The following SLC12A9 variants were observed in gnomAD, a reference collection of about 807,000 sequenced individuals.
SLC12A9 encodes the protein solute carrier family 12 member 9, also known as CCC-interacting protein 1.
Under a neutral mutation model 66.0 loss-of-function variants are expected in SLC12A9, and 55 were observed. The ratio of observed to expected loss-of-function variants is 0.83; its 90% CI spans 0.67 to 1.04. The LOEUF (loss-of-function observed/expected upper bound fraction) is 1.04. Ranked by LOEUF, SLC12A9 falls within the 50% of genes least tolerant of loss-of-function variation. The probability of loss-of-function intolerance (pLI) is 0.00; values close to 1 mark genes in which losing one functional copy is unlikely to be tolerated. For missense variants in SLC12A9, 1,061 were observed against 1,241.9 expected (o/e 0.85, Z 2.19); for synonymous variants, 577 against 569.0 (o/e 1.01, Z -0.20).
At position 100,859,888 on chromosome 7, in the gene SLC12A9, C is replaced by A; in HGVS notation, c.981C>A (p.Thr327=). The change falls in exon 8 of 14, where the codon ACC becomes ACA. Residue 327 remains threonine (T), a synonymous_variant. Coordinates refer to ENST00000354161, the MANE Select transcript of SLC12A9 (RefSeq NM_020246.4). Reference sequence around the variant, plus strand: ...TCCTCCTTTTCCTCCTTCCTAGGACCCTGCTGCAGGAAGACTATGGGTTCT... The same window carrying A: ...TCCTCCTTTTCCTCCTTCCTAGGACACTGCTGCAGGAAGACTATGGGTTCT... ...FFLSSFTCDR[T]LLQEDYGFFR... 1.3e-6 allele frequency: 2 copies of A among 1,598,830 alleles called. No individual in the cohort carries two copies. Among genetic ancestry groups the A allele is most frequent in the Non-Finnish European group, 8.6e-7 (1 of 1,167,324 alleles).
Position 100,859,108 on chromosome 7 carries a change from C to T in SLC12A9, c.924C>T (p.Tyr308=), listed in dbSNP as rs572446584. 2.5e-6 allele frequency: 4 copies of T among 1,613,994 alleles called. No homozygotes were observed. Among genetic ancestry groups the T allele is most frequent in the Non-Finnish European group, 3.4e-6 (4 of 1,180,034 alleles). ...TGGGCACGATCGTCGCCGTCGCCTA[C>T]ACCTTCTTCGTCTATGTCCTGCTTT... ...IPLGTIVAVA[Y]TFFVYVLLFF... The change falls in exon 7 of 14, where the codon TAC becomes TAT. Residue 308 remains tyrosine (Y), a synonymous_variant. Transcript: ENST00000354161.
At chr7:100,828,907 G>T (rs181374308) in intron 1 of SLC12A9, among the ~76,000 whole-genome samples, 181 of 151,622 alleles carry the variant, frequency 1.2e-3, no homozygotes, top group Admixed American at 3.6e-3. Flanking sequence ...AGATGGATTG[G>T]AGGGGGTGCT....
At chr7:100,863,621 C>A (rs890306939) in intron 13 of SLC12A9, among the ~76,000 whole-genome samples, 1 of 152,182 alleles carries the variant, frequency 6.6e-6, no homozygotes, top group Non-Finnish European at 1.5e-5. Context: ...CCCCTGCCCC[C>A]GCCACCCAAA....
upstream of SLC12A9, among the ~76,000 whole-genome samples, chr7:100,848,403 CAGG>C (rs1245807467): frequency 1.3e-4 from 20 of 151,998 alleles, no homozygotes; most frequent in East Asian, 3.7e-3. Flanking sequence ...GAGGCTGAGG[CAGG>C]AGGATTGCTT....
At position 100,861,480 on chromosome 7, in the gene SLC12A9, G is replaced by A. The variant is rs375162836; in HGVS notation, c.1432G>A (p.Ala478Thr). The change falls in exon 11 of 14, where the codon GCT (alanine) becomes ACT (threonine). Residue 478 changes from alanine to threonine, a missense_variant. Physicochemically the swap from Ala to Thr is moderately conservative, Grantham distance 58. Transcript: ENST00000354161. The surrounding 1 kb of genome is among the most constrained non-coding windows in gnomAD (Gnocchi z 5.3). ...GATGTTCCTCATCAGTCCTGGCGCG[G>A]CTGGTGGCTCCCTGCTCCTCATGGG... ...LMMFLISPGA[A>T]GGSLLLMGLL... The A allele has an allele frequency of 6.2e-7, 1 of 1,613,792 alleles. No homozygotes were observed. The highest frequency in any genetic ancestry group is 8.5e-7 in the Non-Finnish European group (1 of 1,180,040).
At chr7:100,863,013 T>C (rs570206926) in intron 13 of SLC12A9, among the ~76,000 whole-genome samples, 186 bp downstream of exon 13, 1 of 151,956 alleles carries the variant, frequency 6.6e-6, no homozygotes, top group East Asian at 1.9e-4. Flanking sequence ...TAGGAGATGC[T>C]AGGGACTAGT....
intron 1 of SLC12A9, among the ~76,000 whole-genome samples, chr7:100,838,318 G>C (rs2116514314): frequency 6.6e-6 from 1 of 152,218 alleles, no homozygotes; most frequent in East Asian, 1.9e-4. Flanking sequence ...GGATTCGCAG[G>C]GAAGATTTCA....
At position 100,866,143 on chromosome 7, in the gene SLC12A9, G is replaced by C; in HGVS notation, c.2283G>C (p.Trp761Cys). 6.2e-7 allele frequency: 1 copy of C among 1,612,886 alleles called. No individual in the cohort carries two copies. Among genetic ancestry groups the C allele is most frequent in the Non-Finnish European group, 8.5e-7 (1 of 1,179,810 alleles). The change falls in exon 14 of 14, where the codon TGG becomes TGC. Residue 761 changes from tryptophan to cysteine, a missense_variant. Trp to Cys is a radical substitution (Grantham distance 215). Transcript: ENST00000354161. This position sits in a 1 kb window ranked among gnomAD's most constrained non-coding sequence, Gnocchi z 7.3. ...MATILGMVPA[W>C]HSARLRIFLC... is the part of the protein sequence containing the mutation. ...CCATCTTGGGCATGGTGCCCGCTTG[G>C]CATAGCGCCCGGCTCCGGATCTTCC...
chr7:100,832,825 G>C (rs143507194), intron 1 of SLC12A9, among the ~76,000 whole-genome samples: 4 of 151,474 alleles, frequency 2.6e-5, no homozygotes, highest in African/African-American at 9.7e-5. Context: ...ACCCATGCTG[G>C]AGTGCAGTGG....
At chr7:100,836,452 G>A (rs1338123952) in intron 1 of SLC12A9, among the ~76,000 whole-genome samples, 1 of 152,070 alleles carries the variant, frequency 6.6e-6, no homozygotes, top group Non-Finnish European at 1.5e-5. Context: ...GGGGACCAGA[G>A]AGCTCACCTG....
chr7:100,848,879 C>G (rs1403505993), upstream of SLC12A9, among the ~76,000 whole-genome samples: 3 of 148,570 alleles, frequency 2.0e-5, no homozygotes, highest in Non-Finnish European at 3.0e-5. Flanking sequence ...GAGCTAGACT[C>G]CATCTCAAAA....
chr7:100,840,706 CAAAG>C (rs1813768901), intron 1 of SLC12A9, among the ~76,000 whole-genome samples: 1 of 148,818 alleles, frequency 6.7e-6, no homozygotes, highest in South Asian at 2.1e-4. Flanking sequence ...AAAAGAAAGT[CAAAG>C]AGAGACAAAG....
At chr7:100,834,316 T>G (rs1479366406) in intron 1 of SLC12A9, among the ~76,000 whole-genome samples, 1 of 151,978 alleles carries the variant, frequency 6.6e-6, no homozygotes, top group Non-Finnish European at 1.5e-5. Context: ...GAGAGGTGAG[T>G]GAGGGCCAGC....
At chr7:100,845,729 G>A (rs995455231) in intron 1 of SLC12A9, among the ~76,000 whole-genome samples, 1 of 152,114 alleles carries the variant, frequency 6.6e-6, no homozygotes, top group African/African-American at 2.4e-5. Flanking sequence ...TATGCTTCCC[G>A]TGAAAAGAGA....
At chr7:100,828,622 C>T (rs987344338) in intron 1 of SLC12A9, among the ~76,000 whole-genome samples, 5 of 150,126 alleles carry the variant, frequency 3.3e-5, no homozygotes, top group Admixed American at 6.6e-5. Flanking sequence ...ATCTCCAAAT[C>T]GCCCTTCTCA....
chr7:100,860,099 G>T (rs771700339), intron 8 of SLC12A9, 51 bp from the exon 9 acceptor site: 3 of 1,614,006 alleles, frequency 1.9e-6, no homozygotes, highest in South Asian at 2.2e-5. Context: ...CTGTCTCTCC[G>T]TCCCCGCTGA....
intron 1 of SLC12A9, among the ~76,000 whole-genome samples, chr7:100,842,763 T>C (rs1584681921): frequency 6.6e-6 from 1 of 152,256 alleles, no homozygotes; most frequent in Non-Finnish European, 1.5e-5. Context: ...CTTGTGCACA[T>C]GGCAGGCCAG....
At chr7:100,851,715 G>A (rs987874497), upstream of SLC12A9, among the ~76,000 whole-genome samples, 25 of 143,052 alleles carry the variant, frequency 1.7e-4, no homozygotes, top group Middle Eastern at 7.1e-3. Context: ...TGCTTGAGCC[G>A]GAAATGCAGA....
In SLC12A9 at chr7:100,856,987, G is replaced by T. The variant is rs1554427510; in HGVS notation, c.568G>T (p.Ala190Ser). ...GVCTLGAGLYARASFLTFLLV... is the reference protein window; with the variant it reads ...GVCTLGAGLYSRASFLTFLLV... ...CTGCACCCTGGGAGCCGGCCTCTAT[G>T]CCCGGGCCTCATTCCTCACATTCCT... The change falls in exon 5 of 14, where the codon GCC (alanine) becomes TCC (serine). Residue 190 changes from alanine (A) to serine (S), a missense_variant. Coordinates refer to ENST00000354161, the MANE Select transcript of SLC12A9 (RefSeq NM_020246.4). 19 of 1,614,098 alleles carry T rather than the reference G, an allele frequency of 1.2e-5. No homozygotes were observed. Among genetic ancestry groups the T allele is most frequent in the Non-Finnish European group, 1.4e-5 (17 of 1,180,050 alleles).
Sources: gnomAD v4.1 joint callset for allele counts (sites outside exome capture counted in the v4.1 genomes callset) on GRCh38, gnomAD v4.1.1 for gene constraint, Gnocchi (gnomAD v3.1) non-coding constraint, MANE v1.5 for transcripts, NCBI Gene and HGNC (gene_info 2026-07-23, HGNC 2026-07-21) for gene names.